Variants in WHRN observed in about 807,000 individuals in gnomAD.
WHRN encodes whirlin, also known as CASK-interacting protein CIP98.
WHRN carries 41 observed loss-of-function variants against 68.3 expected under a neutral mutation model. That is an observed-to-expected ratio of 0.60 (90% CI 0.47 to 0.78). WHRN has a LOEUF of 0.78. Ranked by LOEUF, WHRN falls within the 30% of genes least tolerant of loss-of-function variation. The probability of loss-of-function intolerance (pLI) is 0.00; values close to 1 mark genes in which losing one functional copy is unlikely to be tolerated. For missense variants in WHRN, 1,243 were observed against 1,244.7 expected (o/e 1.00, Z 0.02); for synonymous variants, 560 against 561.3 (o/e 1.00, Z 0.03).
rs1226146050 is a variant in WHRN at position 114,504,595 on chromosome 9, G to A, written c.207C>T (p.Arg69=). 1.6e-5 allele frequency: 26 copies of A among 1,611,286 alleles called. No homozygotes were observed. Among genetic ancestry groups the A allele is most frequent in the Non-Finnish European group, 2.1e-5 (25 of 1,179,566 alleles). The change falls in exon 1 of 12, where the codon CGC becomes CGT. Residue 69 remains arginine (R), a synonymous_variant. Transcript: ENST00000362057. ...THCLNAYHAR[R]NVFDLVRTLR... is the part of the protein sequence containing the mutation. ...GGGTGCGCACCAGGTCGAAGACGTTGCGGCGCGCGTGGTAAGCGTTCAGGC... is the reference window on the plus strand; with the variant it reads ...GGGTGCGCACCAGGTCGAAGACGTTACGGCGCGCGTGGTAAGCGTTCAGGC...
At chr9:114,493,228 G>A (rs1843140648) in intron 1 of WHRN, among the ~76,000 whole-genome samples, 1 of 151,742 alleles carries the variant, frequency 6.6e-6, no homozygotes, top group Admixed American at 6.6e-5. Flanking sequence ...GTGCACACCT[G>A]TAGTCCCAGC....
At chr9:114,462,344 A>T (rs563382771) in intron 3 of WHRN, among the ~76,000 whole-genome samples, 1 of 152,172 alleles carries the variant, frequency 6.6e-6, no homozygotes, top group East Asian at 1.9e-4. Flanking sequence ...ATGTAAAGAG[A>T]ACTCTCTGCA....
At chr9:114,464,975 T>A (rs1840556006) in intron 3 of WHRN, among the ~76,000 whole-genome samples, 2 of 151,996 alleles carry the variant, frequency 1.3e-5, no homozygotes, top group Non-Finnish European at 2.9e-5. Flanking sequence ...AAATCAAAGA[T>A]CAAGATGCCA....
intron 3 of WHRN, among the ~76,000 whole-genome samples, chr9:114,437,628 C>G (rs1186660949): frequency 6.6e-6 from 1 of 152,158 alleles, no homozygotes; most frequent in Non-Finnish European, 1.5e-5. Flanking sequence ...ATAAGAAGAA[C>G]AAGAGACACC....
intron 1 of WHRN, 96 bp from the exon 2 acceptor site, chr9:114,478,867 C>A: frequency 8.3e-7 from 1 of 1,209,938 alleles, no homozygotes; most frequent in African/African-American, 1.5e-5. Flanking sequence ...TTCTCAGGAG[C>A]CCCACATGGA....
At chr9:114,415,263 C>T (rs1835732234) in intron 7 of WHRN, among the ~76,000 whole-genome samples, 1 of 145,106 alleles carries the variant, frequency 6.9e-6, no homozygotes, top group South Asian at 2.3e-4. Flanking sequence ...CCAACAGAGA[C>T]CCTATCTCTT....
At chr9:114,457,070 G>A (rs886539776) in intron 3 of WHRN, among the ~76,000 whole-genome samples, 2 of 152,122 alleles carry the variant, frequency 1.3e-5, no homozygotes, top group African/African-American at 4.8e-5. Context: ...AATACATACA[G>A]ATACGGGTAT....
intron 2 of WHRN, among the ~76,000 whole-genome samples, chr9:114,467,467 G>A (rs757733134): frequency 7.9e-5 from 12 of 151,896 alleles, no homozygotes; most frequent in Non-Finnish European, 1.3e-4. Context: ...GCTTCCTGGA[G>A]AAAGTGGCAT....
At chr9:114,416,200 C>T (rs950975997) in intron 7 of WHRN, among the ~76,000 whole-genome samples, 5 of 152,222 alleles carry the variant, frequency 3.3e-5, no homozygotes, top group Non-Finnish European at 7.3e-5. Context: ...AGGGCTGGAG[C>T]ACAAACTCTC....
chr9:114,455,581 G>A lies in WHRN; in HGVS notation c.963+10686C>T, dbSNP rs114059192. On this transcript the variant is annotated intron_variant, in intron 3 of 11. Transcript: ENST00000362057. ...CAAAAAAAATTAGCCACATATGGTGGTGCATGCCTGTAGTCCCGGCTACTA... is the reference window on the plus strand; with the variant it reads ...CAAAAAAAATTAGCCACATATGGTGATGCATGCCTGTAGTCCCGGCTACTA... Among the ~76,000 whole-genome samples, 1,163 of 151,928 alleles carry A rather than the reference G, an allele frequency of 7.7e-3. 6 individuals are homozygous for A. The highest frequency in any genetic ancestry group is 0.026 in the African/African-American group (1,084 of 41,434).
rs1460167011 is a variant in WHRN, at chr9:114,482,957, G to A, written c.619-4186C>T. On this transcript the variant is annotated intron_variant, in intron 1 of 11. Coordinates refer to ENST00000362057, the MANE Select transcript of WHRN (RefSeq NM_015404.4). ...CCCCAAGATGGGAAGGGAAACATAG[G>A]GTTCAGGAGTACAACAGGCACAGCC... Among the ~76,000 whole-genome samples, 5 of 152,094 alleles carry A rather than the reference G, an allele frequency of 3.3e-5. No individual in the cohort carries two copies. The East Asian group carries it at 9.6e-4, about 29-fold the overall frequency.
chr9:114,461,030 T>C lies in WHRN; in HGVS notation c.963+5237A>G, dbSNP rs142992376. Among the ~76,000 whole-genome samples, 1,165 of 152,300 alleles carry C rather than the reference T, an allele frequency of 7.6e-3. 6 individuals carry two copies. Among genetic ancestry groups the C allele is most frequent in the African/African-American group, 0.026 (1,086 of 41,560 alleles). On this transcript the variant is annotated intron_variant, in intron 3 of 11. Coordinates refer to ENST00000362057, the MANE Select transcript of WHRN (RefSeq NM_015404.4). ...GAAAGTACAATAAACAGCAGGAATA[T>C]AAAATGCTTTACTGCGGAGGGGATT...
Position 114,504,506 on chromosome 9 carries a change from G to C in WHRN, c.296C>G (p.Pro99Arg), listed in dbSNP as rs752432809. The C allele has an allele frequency of 6.2e-6, 10 of 1,609,276 alleles. No individual in the cohort carries two copies. Among genetic ancestry groups the C allele is most frequent in the Non-Finnish European group, 7.6e-6 (9 of 1,179,816 alleles). Residue 99 changes from proline to arginine, a missense_variant, in exon 1 of 12, where the codon CCG (proline) becomes CGG (arginine). Coordinates refer to ENST00000362057, the MANE Select transcript of WHRN (RefSeq NM_015404.4). ...GTCGAAGAGCAGCTGGTCGGAGCGC[G>C]GGATGACCAGACGAAGCATGGGCAG... ...RLLPMLRLVI[P>R]RSDQLLFDQY...
intron 7 of WHRN, among the ~76,000 whole-genome samples, chr9:114,421,212 T>C (rs1836252307): frequency 6.6e-6 from 1 of 152,186 alleles, no homozygotes; most frequent in South Asian, 2.1e-4. Context: ...TGAGAGCCCC[T>C]CTGGCAGAGC....
chr9:114,476,521 C>T (rs1234966546), intron 2 of WHRN, among the ~76,000 whole-genome samples: 2 of 152,144 alleles, frequency 1.3e-5, no homozygotes, highest in Admixed American at 1.3e-4. Flanking sequence ...CCCGTACCTC[C>T]CTGGCACTTT....
At chr9:114,501,842 C>A (rs1177718910) in intron 1 of WHRN, among the ~76,000 whole-genome samples, 2 of 152,198 alleles carry the variant, frequency 1.3e-5, no homozygotes, top group Non-Finnish European at 2.9e-5. Flanking sequence ...CAAAGAACGG[C>A]TCCCCGTGGA....
chr9:114,436,490 T>C (rs1197196981), intron 3 of WHRN, among the ~76,000 whole-genome samples: 1 of 152,182 alleles, frequency 6.6e-6, no homozygotes, highest in Non-Finnish European at 1.5e-5. Context: ...GGGAACTCTG[T>C]AGTTCCCACT....
rs1473174520 is a variant in WHRN at position 114,404,041 on chromosome 9, T to C, written c.2273A>G (p.Gln758Arg). Residue 758 changes from glutamine to arginine, a missense_variant, in exon 10 of 12, where the codon CAG becomes CGG. Coordinates refer to ENST00000362057, the MANE Select transcript of WHRN (RefSeq NM_015404.4). ...STLSQLSDSG[Q>R]TLSEDSGVDA... Reference sequence around the variant, plus strand: ...CACACCACTGTCCTCGCTTAGAGTCTGCCCGCTGTCCGAGAGCTGGGAGAG... The same window carrying C: ...CACACCACTGTCCTCGCTTAGAGTCCGCCCGCTGTCCGAGAGCTGGGAGAG... 3 of 1,613,330 alleles carry C rather than the reference T, an allele frequency of 1.9e-6. No homozygotes were observed. Among genetic ancestry groups the C allele is most frequent in the Non-Finnish European group, 2.5e-6 (3 of 1,180,044 alleles).
At chr9:114,487,293 A>G (rs760007313) in intron 1 of WHRN, among the ~76,000 whole-genome samples, 3 of 151,272 alleles carry the variant, frequency 2.0e-5, no homozygotes, top group African/African-American at 7.3e-5. Flanking sequence ...GTAACGACTG[A>G]TATGTGTTGA....
Sources: allele counts gnomAD v4.1 joint callset (sites outside exome capture counted in the v4.1 genomes callset), GRCh38; gene constraint gnomAD v4.1.1; transcripts MANE v1.5; gene names NCBI Gene and HGNC (gene_info 2026-07-23, HGNC 2026-07-21).